The following ADAMTS17 variants were observed in gnomAD, a reference collection of about 807,000 sequenced individuals.
ADAMTS17 encodes the protein A disintegrin and metalloproteinase with thrombospondin motifs 17.
ADAMTS17 carries 113 observed loss-of-function variants against 141.5 expected under a neutral mutation model. The ratio of observed to expected loss-of-function variants is 0.80; its 90% CI spans 0.69 to 0.93. The LOEUF is 0.93. ADAMTS17 is among the 40% of genes least tolerant of loss of function. The probability of loss-of-function intolerance (pLI) is 0.00; values close to 1 mark genes in which losing one functional copy is unlikely to be tolerated. For missense variants in ADAMTS17, 1,659 were observed against 1,517.9 expected, an observed-to-expected ratio of 1.09 and a Z score of -1.54; for synonymous variants, 768 against 630.6, an observed-to-expected ratio of 1.22 and a Z score of -3.27.
chr15:100,270,976 C>T (rs974453891), intron 4 of ADAMTS17, among the ~76,000 whole-genome samples: 1 of 151,824 alleles, frequency 6.6e-6, no homozygotes, highest in Non-Finnish European at 1.5e-5. Flanking sequence ...ATTCACTACC[C>T]TACGTAAGTG....
At chr15:100,047,943 G>C (rs2031839527) in intron 18 of ADAMTS17, among the ~76,000 whole-genome samples, 1 of 152,184 alleles carries the variant, frequency 6.6e-6, no homozygotes, top group African/African-American at 2.4e-5. Flanking sequence ...AAGGAGCACA[G>C]AAAATCATCA....
intron 3 of ADAMTS17, among the ~76,000 whole-genome samples, chr15:100,299,614 C>A (rs532941915): frequency 1.3e-5 from 2 of 152,196 alleles, no homozygotes; most frequent in South Asian, 2.1e-4. Flanking sequence ...CAAACAAAAG[C>A]CTGAAAAGAA....
At chr15:100,063,507 G>A (rs1328361868) in intron 15 of ADAMTS17, 2 of 425,036 alleles carry the variant, frequency 4.7e-6, no homozygotes, top group Non-Finnish European at 8.8e-6. Context: ...GTGGCTGCAT[G>A]TTAGTCAAAT....
chr15:100,136,355 A>G (rs2038333814), intron 10 of ADAMTS17, among the ~76,000 whole-genome samples: 1 of 152,240 alleles, frequency 6.6e-6, no homozygotes, highest in African/African-American at 2.4e-5. Context: ...AGGAGAAGTT[A>G]GCACTGCAGC....
chr15:100,160,100 C>G (rs984805546), intron 8 of ADAMTS17, among the ~76,000 whole-genome samples: 2 of 152,116 alleles, frequency 1.3e-5, no homozygotes, highest in African/African-American at 4.8e-5. Context: ...TCAAACGTTA[C>G]AAAATTTGCA....
intron 10 of ADAMTS17, among the ~76,000 whole-genome samples, chr15:100,141,998 G>C (rs2038679797): frequency 6.6e-6 from 1 of 152,204 alleles, no homozygotes; most frequent in Non-Finnish European, 1.5e-5. Context: ...AGCATTAAAG[G>C]GACAGACCTC....
intron 7 of ADAMTS17, among the ~76,000 whole-genome samples, chr15:100,240,803 TTC>T (rs1347447751): frequency 6.6e-6 from 1 of 152,120 alleles, no homozygotes; most frequent in Admixed American, 6.6e-5. Context: ...TATACTCAAC[TTC>T]TGTTTGTTTT....
At chr15:100,086,702 C>A (rs905688213) in intron 15 of ADAMTS17, among the ~76,000 whole-genome samples, 3 of 150,682 alleles carry the variant, frequency 2.0e-5, no homozygotes, top group Non-Finnish European at 4.4e-5. Context: ...CAAAACCGCT[C>A]AACTACATGG....
At chr15:100,300,362 T>C (rs58854004) in intron 3 of ADAMTS17, among the ~76,000 whole-genome samples, 15,307 of 151,916 alleles carry the variant, frequency 0.1, 1,242 homozygotes, top group East Asian at 0.31. Flanking sequence ...TCCCAAAGAA[T>C]CCCTTCCCAA....
At position 100,277,943 on chromosome 15, in the gene ADAMTS17, G is replaced by A. The variant is rs188860875; in HGVS notation, c.789+3286C>T. 1.1e-3 allele frequency among the ~76,000 whole-genome samples: 165 copies of A among 152,338 alleles called. 1 individual carries two copies. The highest frequency in any genetic ancestry group is 3.9e-3 in the African/African-American group (163 of 41,564). ...AAGGTGATGCACGTACGTGCAATGG[G>A]ATACTACTCATCCTTAAAAAGGAAA... On this transcript the variant is annotated intron_variant, in intron 4 of 21. Coordinates refer to ENST00000268070, the MANE Select transcript of ADAMTS17 (RefSeq NM_139057.4).
chr15:100,232,434 A>G (rs1205570922), intron 7 of ADAMTS17, among the ~76,000 whole-genome samples: 1 of 152,238 alleles, frequency 6.6e-6, no homozygotes, highest in East Asian at 1.9e-4. Flanking sequence ...AGTGCCAGAC[A>G]TGGAATGAAC....
At chr15:100,235,307 C>G (rs570952801) in intron 7 of ADAMTS17, among the ~76,000 whole-genome samples, 1 of 152,052 alleles carries the variant, frequency 6.6e-6, no homozygotes. Context: ...CAGTGCTGGC[C>G]CCCTGGTTAC....
chr15:100,031,511 G>A (rs1455390242), intron 18 of ADAMTS17, among the ~76,000 whole-genome samples: 2 of 152,206 alleles, frequency 1.3e-5, no homozygotes, highest in Non-Finnish European at 2.9e-5. Flanking sequence ...GAGGGTGAAT[G>A]ATTTAACTAG....
chr15:100,259,775 A>G (rs1247140235), intron 6 of ADAMTS17, among the ~76,000 whole-genome samples: 1 of 152,234 alleles, frequency 6.6e-6, no homozygotes, highest in Non-Finnish European at 1.5e-5. Flanking sequence ...CAATCGACGA[A>G]CCATCCACAA....
chr15:100,207,893 C>T (rs1349080267), intron 7 of ADAMTS17, among the ~76,000 whole-genome samples: 1 of 152,118 alleles, frequency 6.6e-6, no homozygotes, highest in Non-Finnish European at 1.5e-5. Context: ...CAGGAGACTC[C>T]CTGGAAATCC....
intron 7 of ADAMTS17, among the ~76,000 whole-genome samples, chr15:100,246,895 A>ATTTATTTAT (rs1451015313): frequency 2.1e-4 from 32 of 150,312 alleles, no homozygotes; most frequent in Admixed American, 1.5e-3. Context: ...TTATTTATTT[A>ATTTATTTAT]TTTTTTGAGA....
intron 4 of ADAMTS17, among the ~76,000 whole-genome samples, chr15:100,270,678 G>T (rs7498058): frequency 0.63 from 92,700 of 146,056 alleles, 30,007 homozygotes; most frequent in East Asian, 0.83. Context: ...GTAGACATAG[G>T]CCTACCTTGA....
At chr15:100,279,289 C>G (rs1480599208) in intron 4 of ADAMTS17, among the ~76,000 whole-genome samples, 2 of 152,238 alleles carry the variant, frequency 1.3e-5, no homozygotes, top group African/African-American at 4.8e-5. Context: ...CTCCCCAGCA[C>G]TTACCCCTGA....
At chr15:100,306,157 G>A (rs1424760279) in intron 3 of ADAMTS17, 3 of 255,514 alleles carry the variant, frequency 1.2e-5, no homozygotes, top group African/African-American at 2.2e-5. Context: ...CACTAGCGGT[G>A]TCACCTACCT....
Sources: allele counts gnomAD v4.1 joint callset (sites outside exome capture counted in the v4.1 genomes callset), GRCh38; gene constraint gnomAD v4.1.1; transcripts MANE v1.5; gene names NCBI Gene and HGNC (gene_info 2026-07-23, HGNC 2026-07-21).